The following KATNAL2 variants were observed in gnomAD, a reference collection of about 807,000 sequenced individuals.
KATNAL2 encodes katanin p60 ATPase-containing subunit A-like 2.
KATNAL2 carries 52 observed loss-of-function variants against 76.3 expected under a neutral mutation model. That is an observed-to-expected ratio of 0.68 (90% CI 0.55 to 0.86). The LOEUF is 0.86. Among genes scored for constraint, KATNAL2 ranks in the 40% least tolerant of loss-of-function variants. The pLI is 0.00. For missense variants in KATNAL2, 660 were observed against 668.9 expected (o/e 0.99, Z 0.15); for synonymous variants, 243 against 244.2 (o/e 1.00, Z 0.05).
chr18:47,055,902 A>G (rs2061458450), intron 6 of KATNAL2, among the ~76,000 whole-genome samples: 1 of 152,214 alleles, frequency 6.6e-6, no homozygotes, highest in Admixed American at 6.5e-5. Flanking sequence ...TGTATGTGGC[A>G]AGTGTAAAAG....
intron 3 of KATNAL2, among the ~76,000 whole-genome samples, chr18:47,042,620 T>C (rs903244813): frequency 2.0e-5 from 3 of 152,124 alleles, no homozygotes; most frequent in Non-Finnish European, 2.9e-5. Flanking sequence ...ATTAAAAATG[T>C]TATTATCTAA....
At position 46,950,913 on chromosome 18, in the gene KATNAL2, A is replaced by G. The variant is rs184273424; in HGVS notation, c.51+3990A>G. On this transcript the variant is annotated intron_variant, in intron 3 of 17. Coordinates refer to ENST00000683218, the MANE Select transcript of KATNAL2 (RefSeq NM_001387690.1). ...TGGCCGGGCTGGTCTCGAACTCCCA[A>G]CCTCAGGTGATCTGCCTGCCTCGGC... Among the ~76,000 whole-genome samples, 168 of 152,104 alleles carry G rather than the reference A, an allele frequency of 1.1e-3. 2 individuals carry two copies. Among genetic ancestry groups the G allele is most frequent in the African/African-American group, 3.8e-3 (156 of 41,482 alleles).
At chr18:47,088,104 A>T (rs1859138182) in intron 15 of KATNAL2, among the ~76,000 whole-genome samples, 1 of 152,160 alleles carries the variant, frequency 6.6e-6, no homozygotes. Context: ...AGGTATTATT[A>T]AAAGGTTTTT....
intron 3 of KATNAL2, among the ~76,000 whole-genome samples, chr18:46,947,698 C>T (rs570307581): frequency 6.6e-6 from 1 of 152,270 alleles, no homozygotes; most frequent in South Asian, 2.1e-4. Context: ...TTTTAGAAAG[C>T]TCAAGAGGTG....
intron 10 of KATNAL2, among the ~76,000 whole-genome samples, chr18:47,064,424 G>A (rs1173100831): frequency 6.6e-6 from 1 of 152,152 alleles, no homozygotes; most frequent in Non-Finnish European, 1.5e-5. Flanking sequence ...GAGAGAGGCA[G>A]GGTTCCTGAG....
intron 3 of KATNAL2, among the ~76,000 whole-genome samples, chr18:46,954,905 G>A (rs957830275): frequency 1.3e-5 from 2 of 152,032 alleles, no homozygotes; most frequent in Non-Finnish European, 1.5e-5. Context: ...CACCTGCCTC[G>A]GCCTCCCAAA....
At chr18:47,046,078 A>G (rs971753289) in intron 3 of KATNAL2, among the ~76,000 whole-genome samples, 3 of 152,260 alleles carry the variant, frequency 2.0e-5, no homozygotes, top group African/African-American at 7.2e-5. Context: ...GTGTTGTCAC[A>G]GATGATTTCT....
chr18:46,967,619 G>A (rs1470993667), intron 3 of KATNAL2, among the ~76,000 whole-genome samples: 2 of 113,956 alleles, frequency 1.8e-5, no homozygotes, highest in African/African-American at 6.7e-5. Flanking sequence ...TTACCAGCCC[G>A]CGTGAAGCCA....
Position 47,100,266 on chromosome 18 carries a change from T to C in KATNAL2, c.1387T>C (p.Tyr463His), listed in dbSNP as rs1342964214. Residue 463 changes from tyrosine (Y) to histidine (H), a missense_variant, in exon 17 of 18, where the codon TAC (tyrosine) becomes CAC (histidine). Physicochemically the swap from Tyr to His is moderately conservative, Grantham distance 83. Coordinates refer to ENST00000683218, the MANE Select transcript of KATNAL2 (RefSeq NM_001387690.1). ...TTGGCTGTTTCAGGAGACTGAGGGC[T>C]ACTCAGGCTCAGATATTAAGCTCGT... ...YSVLSQETEG[Y>H]SGSDIKLVCR... is the part of the protein sequence containing the mutation. 6.2e-7 allele frequency: 1 copy of C among 1,613,658 alleles called. No individual in the cohort carries two copies. Among genetic ancestry groups the C allele is most frequent in the East Asian group, 2.2e-5 (1 of 44,890 alleles).
rs978896314 is a variant in KATNAL2, at chr18:47,077,339, G to A, written c.1101-12G>A. On this transcript the variant is annotated splice_polypyrimidine_tract_variant and intron_variant, in intron 14 of 17. Transcript: ENST00000683218. ...CTGACACTTAGGAGAATCACGTCTT[G>A]TCTCTCTGTAGGGGAGAACATGAAG... 6.2e-7 allele frequency: 1 copy of A among 1,603,562 alleles called. No individual in the cohort carries two copies. The highest frequency in any genetic ancestry group is 2.2e-5 in the East Asian group (1 of 44,834).
intron 3 of KATNAL2, among the ~76,000 whole-genome samples, chr18:46,951,624 T>C (rs2059559617): frequency 6.6e-6 from 1 of 151,940 alleles, no homozygotes; most frequent in African/African-American, 2.4e-5. Context: ...TATCAACCAA[T>C]AACTATCTGA....
intron 3 of KATNAL2, among the ~76,000 whole-genome samples, chr18:46,957,562 T>C (rs1268580977): frequency 8.4e-6 from 1 of 118,582 alleles, no homozygotes; most frequent in African/African-American, 3.3e-5. Context: ...CCTTTTTTTT[T>C]TTTTTTTTTT....
chr18:47,033,627 G>A (rs754698908), intron 3 of KATNAL2: 2 of 1,614,168 alleles, frequency 1.2e-6, no homozygotes, highest in Non-Finnish European at 1.7e-6. Context: ...CCTCTCCCAC[G>A]TCGCTGAGGG....
chr18:46,922,633 G>A (rs1404096502), intron 1 of KATNAL2, among the ~76,000 whole-genome samples: 2 of 151,604 alleles, frequency 1.3e-5, no homozygotes, highest in African/African-American at 4.8e-5. Context: ...ATGTCTATCC[G>A]CTAAAGAAAT....
chr18:47,038,507 G>A (rs1187329621), intron 3 of KATNAL2, among the ~76,000 whole-genome samples: 1 of 152,142 alleles, frequency 6.6e-6, no homozygotes, highest in Non-Finnish European at 1.5e-5. Context: ...ATAATATAGT[G>A]TAATTGATCC....
intron 1 of KATNAL2, among the ~76,000 whole-genome samples, chr18:46,932,508 G>A (rs1195521800): frequency 6.6e-6 from 1 of 151,050 alleles, no homozygotes; most frequent in Non-Finnish European, 1.5e-5. Flanking sequence ...AACACTGTGT[G>A]TAATAAAAAT....
At position 47,034,850 on chromosome 18, in the gene KATNAL2, G is replaced by A. The variant is rs201027367; in HGVS notation, c.52-11607G>A. On this transcript the variant is annotated intron_variant, in intron 3 of 17. Coordinates refer to ENST00000683218, the MANE Select transcript of KATNAL2 (RefSeq NM_001387690.1). ...TGAGACCTCGGGTGAGGTCTCTGTTGCCCCGGAGGTGTTCTGCGTGCTGTC... is the reference window on the plus strand; with the variant it reads ...TGAGACCTCGGGTGAGGTCTCTGTTACCCCGGAGGTGTTCTGCGTGCTGTC... The A allele has an allele frequency of 8.3e-5, 134 of 1,612,132 alleles. 3 individuals carry two copies. In the Middle Eastern group the frequency reaches 3.3e-3, roughly 40 times the overall value.
chr18:46,927,618 C>A (rs927112406), intron 1 of KATNAL2, among the ~76,000 whole-genome samples: 1 of 152,098 alleles, frequency 6.6e-6, no homozygotes, highest in Non-Finnish European at 1.5e-5. Flanking sequence ...TTTCCTGAAT[C>A]TGAATGTTGG....
intron 3 of KATNAL2, among the ~76,000 whole-genome samples, chr18:47,037,476 G>A (rs1205429343): frequency 1.3e-5 from 2 of 152,164 alleles, no homozygotes; most frequent in Non-Finnish European, 2.9e-5. Context: ...GTCCATTTCA[G>A]GGGCACACCA....
Sources: allele counts gnomAD v4.1 joint callset (sites outside exome capture counted in the v4.1 genomes callset), GRCh38; gene constraint gnomAD v4.1.1; transcripts MANE v1.5; gene names NCBI Gene and HGNC (gene_info 2026-07-23, HGNC 2026-07-21).